Variants in PARVB observed in about 807,000 individuals in gnomAD.
PARVB encodes the protein beta-parvin.
In PARVB, 46 loss-of-function variants were observed where a neutral mutation model predicts 47.0. The ratio of observed to expected loss-of-function variants is 0.98; its 90% confidence interval spans 0.77 to 1.25. PARVB has a LOEUF of 1.25. Ranked by LOEUF, PARVB falls within the 50% of genes most tolerant of loss-of-function variation. The probability of loss-of-function intolerance (pLI) is 0.00; values close to 1 mark genes in which losing one functional copy is unlikely to be tolerated. For missense variants in PARVB, 473 were observed against 471.6 expected, an observed-to-expected ratio of 1.00 and a Z score of -0.03; for synonymous variants, 196 against 196.3, an observed-to-expected ratio of 1.00 and a Z score of 0.01.
At chr22:44,097,180 A>T (rs937039124) in intron 2 of PARVB, among the ~76,000 whole-genome samples, 1 of 152,074 alleles carries the variant, frequency 6.6e-6, no homozygotes, top group Non-Finnish European at 1.5e-5. Context: ...GGAGCCTCTC[A>T]CAGCCCTTTT....
intron 10 of PARVB, chr22:44,153,713 TC>T (rs1285719037): frequency 6.6e-6 from 1 of 152,200 alleles, no homozygotes; most frequent in Non-Finnish European, 1.5e-5. Flanking sequence ...ACTGTGGGCA[TC>T]TTTTGGTGTA....
intron 7 of PARVB, among the ~76,000 whole-genome samples, chr22:44,137,251 A>G (rs1324180387): frequency 1.3e-5 from 2 of 152,256 alleles, no homozygotes; most frequent in Non-Finnish European, 2.9e-5. Context: ...CGTGGCTTGC[A>G]AGCTCTCAGG....
In PARVB at chr22:44,089,831, G is replaced by A. The variant is rs2052121773; in HGVS notation, c.113-4097G>A. On this transcript the variant is annotated intron_variant, in intron 1 of 12. Transcript: ENST00000338758. This position sits in a 1 kb window ranked among gnomAD's most constrained non-coding sequence, Gnocchi z 4.0. ...TTCAGCTTTGGACATGCTGGCTGTG[G>A]TTTGTCTCCACTGCACTCTGCAAAG... 6.6e-6 allele frequency among the ~76,000 whole-genome samples: 1 copy of A among 152,200 alleles called. No homozygotes were observed. The highest frequency in any genetic ancestry group is 1.5e-5 in the Non-Finnish European group (1 of 68,028).
chr22:44,077,812 C>T (rs533388382), intron 1 of PARVB, among the ~76,000 whole-genome samples: 1 of 152,206 alleles, frequency 6.6e-6, no homozygotes, highest in African/African-American at 2.4e-5. Flanking sequence ...ATTCTCCTGC[C>T]TCAGCCTCCC....
At chr22:44,101,436 T>TATAAA (rs200765575) in intron 3 of PARVB, among the ~76,000 whole-genome samples, 42 of 147,436 alleles carry the variant, frequency 2.8e-4, no homozygotes, top group Admixed American at 3.4e-4. Context: ...AAAAATAAAA[T>TATAAA]ATAAAATAAA....
Position 44,132,915 on chromosome 22 carries a change from TGG to T in PARVB, c.540_541del (p.Ala181HisfsTer20). On this transcript the variant is annotated frameshift_variant, in exon 6 of 13. Transcript: ENST00000338758. LOFTEE classifies it high-confidence loss of function. ...GCAGCAATTCACGGGAAGAACCTGG[TGG>T]CCATCCTCCACCTGCTGGTCTCTCT... 6.2e-7 allele frequency: 1 copy of T among 1,613,930 alleles called. No homozygotes were observed. Among genetic ancestry groups the T allele is most frequent in the Non-Finnish European group, 8.5e-7 (1 of 1,179,822 alleles).
intron 1 of PARVB, among the ~76,000 whole-genome samples, chr22:44,043,787 GT>G (rs1294110481): frequency 6.6e-6 from 1 of 152,196 alleles, no homozygotes; most frequent in Non-Finnish European, 1.5e-5. Context: ...CTTGTGAGAT[GT>G]TTTTCTCCAG....
At chr22:44,093,829 A>G in intron 1 of PARVB, 99 bp from the exon 2 acceptor site, 2 of 722,516 alleles carry the variant, frequency 2.8e-6, no homozygotes, top group Non-Finnish European at 4.8e-6. Context: ...AAATGCTGAA[A>G]AAAACAGGAA....
Position 44,071,001 on chromosome 22 carries a change from CCCG to C in PARVB, c.113-22924_113-22922del, listed in dbSNP as rs1178264588. ...ACCAGGACCCCCCGGCCCCTGCCCGCCCGCCTTGGCCTGGTGGGGTAGGAGTCA... is the reference window on the plus strand; with the variant it reads ...ACCAGGACCCCCCGGCCCCTGCCCGCCCTTGGCCTGGTGGGGTAGGAGTCA... On this transcript the variant is annotated intron_variant, in intron 1 of 12. Coordinates refer to ENST00000338758, the MANE Select transcript of PARVB (RefSeq NM_013327.5). Among the ~76,000 whole-genome samples the C allele has an allele frequency of 2.7e-5, 4 of 146,868 alleles. No individual in the cohort carries two copies. The East Asian group carries it at 7.7e-4, about 28-fold the overall frequency.
intron 2 of PARVB, among the ~76,000 whole-genome samples, chr22:44,003,911 C>T (rs1166312610): frequency 1.3e-5 from 2 of 152,178 alleles, no homozygotes; most frequent in African/African-American, 4.8e-5. Context: ...TGAAGTTGTT[C>T]CAAATGACCT....
At chr22:44,126,136 C>T (rs181048376) in intron 4 of PARVB, among the ~76,000 whole-genome samples, 10 of 152,194 alleles carry the variant, frequency 6.6e-5, no homozygotes, top group African/African-American at 2.4e-4. Context: ...ACGTGTGAAC[C>T]CAGCAGCACT....
chr22:44,021,538 G>A (rs993081556), upstream of PARVB, among the ~76,000 whole-genome samples: 6 of 152,004 alleles, frequency 3.9e-5, no homozygotes, highest in African/African-American at 9.7e-5. Flanking sequence ...ACTGCTTCAG[G>A]AACCAAGGAA....
At chr22:44,064,324 C>T (rs1202415416) in intron 1 of PARVB, among the ~76,000 whole-genome samples, 1 of 152,238 alleles carries the variant, frequency 6.6e-6, no homozygotes, top group Non-Finnish European at 1.5e-5. Context: ...ATAACACAGG[C>T]ATGCGCCGTG....
intron 1 of PARVB, among the ~76,000 whole-genome samples, chr22:44,078,120 G>T (rs1021691577): frequency 1.3e-5 from 2 of 152,146 alleles, no homozygotes; most frequent in African/African-American, 4.8e-5. Context: ...TCACAGCGTG[G>T]GTCCTTGTCA....
At chr22:44,109,980 G>T (rs984394824) in intron 3 of PARVB, 7 of 150,538 alleles carry the variant, frequency 4.6e-5, no homozygotes, top group Non-Finnish European at 1.0e-4. Flanking sequence ...GGGCGTAGTG[G>T]CGGGCGCCTG....
rs2052509144 is a variant in PARVB, at chr22:44,103,888, G to A, written c.273+3765G>A. The A allele has an allele frequency of 6.6e-6, 1 of 152,298 alleles. No homozygotes were observed. The highest frequency in any genetic ancestry group is 2.4e-5 in the African/African-American group (1 of 41,466). 9.4% of individuals were successfully genotyped at this position (152,298 alleles called of 1,614,324 possible). On this transcript the variant is annotated intron_variant, in intron 3 of 12. Transcript: ENST00000338758. This position sits in a 1 kb window ranked among gnomAD's most constrained non-coding sequence, Gnocchi z 4.6. ...CCCAGAAGGAACCCTGGAGCCTCCA[G>A]AAGGAACCAGCCCTGCTGACACCTG...
chr22:44,032,297 T>C (rs1022880353), intron 1 of PARVB, among the ~76,000 whole-genome samples: 2 of 152,142 alleles, frequency 1.3e-5, no homozygotes, highest in Non-Finnish European at 1.5e-5. Flanking sequence ...AGCATCTGGG[T>C]AGTAACATGA....
rs2054260974 is a variant in PARVB, at chr22:44,170,857, T to C, written c.*2179T>C. 1 of 152,268 alleles carries C rather than the reference T, an allele frequency of 6.6e-6. No homozygotes were observed. The highest frequency in any genetic ancestry group is 2.1e-4 in the South Asian group (1 of 4,838). The allele number at this position is 152,268 out of a possible 1,614,324, so 9.4% of individuals were successfully genotyped here. ...ATCAGAGCTTTGGAGTAAGTTTTGA[T>C]ATGAAATCGAATGCCAACACCGAAG... On this transcript the variant is annotated 3_prime_UTR_variant, in exon 13 of 13. Transcript: ENST00000338758.
At chr22:44,035,977 G>T (rs1344901865) in intron 1 of PARVB, among the ~76,000 whole-genome samples, 2 of 152,158 alleles carry the variant, frequency 1.3e-5, no homozygotes, top group African/African-American at 4.8e-5. Flanking sequence ...CTGCATCTTG[G>T]CTGGGTGCAG....
Sources: gnomAD v4.1 joint callset for allele counts (sites outside exome capture counted in the v4.1 genomes callset) on GRCh38, gnomAD v4.1.1 for gene constraint, Gnocchi (gnomAD v3.1) non-coding constraint, MANE v1.5 for transcripts, NCBI Gene and HGNC (gene_info 2026-07-23, HGNC 2026-07-21) for gene names.